ADAMTS19: variants seen among roughly 807,000 people sequenced by gnomAD.
ADAMTS19 encodes the protein ADAM metallopeptidase with thrombospondin type 1 motif 19.
ADAMTS19 carries 93 observed loss-of-function variants against 153.3 expected under a neutral mutation model. The observed-to-expected ratio is 0.61, with a 90% CI of 0.51 to 0.72. The LOEUF is 0.72. ADAMTS19 is among the 30% of genes least tolerant of loss of function. The pLI, the probability that ADAMTS19 is intolerant of heterozygous loss-of-function variation, is 0.00. For synonymous variants in ADAMTS19, 600 were observed against 556.6 expected, an observed-to-expected ratio of 1.08 and a Z score of -1.10; for missense variants, 1,482 against 1,552.1, an observed-to-expected ratio of 0.95 and a Z score of 0.76.
chr5:129,555,083 T>C (rs9327528), intron 7 of ADAMTS19, among the ~76,000 whole-genome samples: 37,670 of 152,030 alleles, frequency 0.25, 5,021 homozygotes, highest in African/African-American at 0.33. Context: ...CTATAACCGA[T>C]GTGAAGTCAG....
chr5:129,630,377 G>A (rs1581165228), intron 10 of ADAMTS19, among the ~76,000 whole-genome samples: 1 of 152,166 alleles, frequency 6.6e-6, no homozygotes, highest in East Asian at 1.9e-4. Context: ...CAAAGCTGCA[G>A]TAATGAAGAC....
intron 19 of ADAMTS19, among the ~76,000 whole-genome samples, chr5:129,696,710 A>T (rs1455574884): frequency 6.6e-6 from 1 of 152,164 alleles, no homozygotes; most frequent in East Asian, 1.9e-4. Context: ...ACTCAAAGCC[A>T]TTGGGGGAGG....
At chr5:129,517,449 C>A (rs7718618) in intron 3 of ADAMTS19, among the ~76,000 whole-genome samples, 21,801 of 151,670 alleles carry the variant, frequency 0.14, 2,385 homozygotes, top group African/African-American at 0.32. Flanking sequence ...TGTTTTCTTT[C>A]TTTATATGGG....
At chr5:129,567,894 G>A (rs981134127) in intron 7 of ADAMTS19, among the ~76,000 whole-genome samples, 1 of 152,060 alleles carries the variant, frequency 6.6e-6, no homozygotes, top group Non-Finnish European at 1.5e-5. Flanking sequence ...GAAAGCTAAA[G>A]ACGAACTAAA....
At chr5:129,494,885 T>C (rs995656245) in intron 2 of ADAMTS19, among the ~76,000 whole-genome samples, 2 of 152,104 alleles carry the variant, frequency 1.3e-5, no homozygotes, top group Admixed American at 1.3e-4. Context: ...CTTAAATAAG[T>C]CCAGTCATTT....
chr5:129,519,731 A>G (rs1024651009), intron 3 of ADAMTS19, among the ~76,000 whole-genome samples: 2 of 151,968 alleles, frequency 1.3e-5, no homozygotes, highest in African/African-American at 2.4e-5. Flanking sequence ...GCCATTTTGC[A>G]TACCAGGAGA....
At chr5:129,674,246 C>T (rs572451883) in intron 16 of ADAMTS19, among the ~76,000 whole-genome samples, 1 of 148,166 alleles carries the variant, frequency 6.7e-6, no homozygotes, top group South Asian at 2.2e-4. Context: ...AAAAAAAAAT[C>T]ATTAAATCCA....
intron 8 of ADAMTS19, among the ~76,000 whole-genome samples, chr5:129,612,442 G>T (rs1038351976): frequency 6.6e-6 from 1 of 152,030 alleles, no homozygotes; most frequent in East Asian, 1.9e-4. Context: ...GCCAAACTAA[G>T]CTTCATAAGT....
At chr5:129,489,317 A>G (rs1480427507) in intron 2 of ADAMTS19, among the ~76,000 whole-genome samples, 2 of 152,126 alleles carry the variant, frequency 1.3e-5, no homozygotes, top group Admixed American at 6.5e-5. Context: ...CATGTTAACA[A>G]TAAGAAAAAT....
chr5:129,623,636 A>G (rs887813297), intron 10 of ADAMTS19, among the ~76,000 whole-genome samples: 1 of 152,186 alleles, frequency 6.6e-6, no homozygotes, highest in Admixed American at 6.6e-5. Flanking sequence ...AGAGTTGTGC[A>G]CTTATTTGTT....
rs1370791860 is a variant in ADAMTS19 at position 129,528,580 on chromosome 5, C to T, written c.1231C>T (p.His411Tyr). 35 of 1,603,196 alleles carry T rather than the reference C, an allele frequency of 2.2e-5. No homozygotes were observed. Among genetic ancestry groups the T allele is most frequent in the Non-Finnish European group, 2.8e-5 (33 of 1,175,394 alleles). The change falls in exon 6 of 23, where the codon CAT (histidine) becomes TAT (tyrosine). Residue 411 changes from histidine (H) to tyrosine (Y), a missense_variant. Physicochemically the swap from His to Tyr is moderately conservative, Grantham distance 83 (BLOSUM62 2). Transcript: ENST00000274487. ...KMLESFCKWQHEEFGKKNDIH... is the reference protein window; with the variant it reads ...KMLESFCKWQYEEFGKKNDIH... ...GCTAGAGAGTTTTTGTAAGTGGCAA[C>T]ATGAAGAATTTGGCAAAAAGAATGA...
At chr5:129,720,412 T>A (rs140941232) in intron 21 of ADAMTS19, among the ~76,000 whole-genome samples, 1,939 of 152,126 alleles carry the variant, frequency 0.013, 32 homozygotes, top group African/African-American at 0.043. Context: ...CTCACCCACC[T>A]TGGCCTCCCA....
intron 2 of ADAMTS19, among the ~76,000 whole-genome samples, chr5:129,471,356 AC>A (rs1200273006): frequency 6.6e-6 from 1 of 151,420 alleles, no homozygotes; most frequent in African/African-American, 2.4e-5. Flanking sequence ...ACAGAGTGAG[AC>A]CCTGTCTCAA....
intron 2 of ADAMTS19, among the ~76,000 whole-genome samples, chr5:129,507,739 A>G (rs540364830): frequency 6.6e-6 from 1 of 151,640 alleles, no homozygotes; most frequent in African/African-American, 2.4e-5. Context: ...AGAGATTGAG[A>G]CATAGGGAAA....
chr5:129,616,801 G>A (rs1751553021), intron 8 of ADAMTS19, among the ~76,000 whole-genome samples: 1 of 151,986 alleles, frequency 6.6e-6, no homozygotes, highest in Non-Finnish European at 1.5e-5. Context: ...ATGTGACTTG[G>A]TTACAAGGTT....
intron 2 of ADAMTS19, among the ~76,000 whole-genome samples, chr5:129,466,056 T>C (rs902444610): frequency 6.6e-6 from 1 of 152,186 alleles, no homozygotes; most frequent in Admixed American, 6.5e-5. Flanking sequence ...ATTTCTTTTT[T>C]CTGTTATCCC....
rs1230549461 is a variant in ADAMTS19 at position 129,696,551 on chromosome 5, C to A, written c.2954+1696C>A. 2.6e-5 allele frequency among the ~76,000 whole-genome samples: 4 copies of A among 152,272 alleles called. No homozygotes were observed. The East Asian group carries it at 7.7e-4, about 29-fold the overall frequency. The stretch of plus-strand genomic sequence containing the variant: ...CCAATCAATTTAGAAGCTTATATTG[C>A]CAAAGTTGTGGATCATGACCCATGA... On this transcript the variant is annotated intron_variant, in intron 19 of 22. Coordinates refer to ENST00000274487, the MANE Select transcript of ADAMTS19 (RefSeq NM_133638.6).
chr5:129,554,981 C>A (rs931231973), intron 7 of ADAMTS19, among the ~76,000 whole-genome samples: 1 of 152,072 alleles, frequency 6.6e-6, no homozygotes, highest in Non-Finnish European at 1.5e-5. Context: ...AATGTTTATT[C>A]GTACACATTT....
chr5:129,613,919 T>G (rs1427035517), intron 8 of ADAMTS19, among the ~76,000 whole-genome samples: 1 of 152,054 alleles, frequency 6.6e-6, no homozygotes, highest in Non-Finnish European at 1.5e-5. Context: ...TCTACACAAA[T>G]AAACTAGAAC....
Sources: gnomAD v4.1 joint callset for allele counts (sites outside exome capture counted in the v4.1 genomes callset) on GRCh38, gnomAD v4.1.1 for gene constraint, MANE v1.5 for transcripts, NCBI Gene and HGNC (gene_info 2026-07-23, HGNC 2026-07-21) for gene names.